PTPRG: variants seen among roughly 807,000 people sequenced by gnomAD.
The protein encoded by PTPRG is protein tyrosine phosphatase receptor type G.
In PTPRG, 102 loss-of-function variants were observed where a neutral mutation model predicts 165.3. The observed-to-expected ratio is 0.62, with a 90% CI of 0.53 to 0.73. PTPRG has a LOEUF of 0.73. Ranked by LOEUF, PTPRG falls within the 30% of genes least tolerant of loss-of-function variation. The probability of loss-of-function intolerance (pLI) is 0.00; values close to 1 mark genes in which losing one functional copy is unlikely to be tolerated. For missense variants in PTPRG, 1,866 were observed against 1,861.4 expected (o/e 1.00, Z -0.05); for synonymous variants, 675 against 669.5 (o/e 1.01, Z -0.13).
chr3:62,248,673 T>C (rs895766035), intron 15 of PTPRG, among the ~76,000 whole-genome samples: 1 of 152,204 alleles, frequency 6.6e-6, no homozygotes, highest in East Asian at 1.9e-4. Flanking sequence ...AGAACTTAGC[T>C]CATGAAATTA....
chr3:61,849,371 T>C (rs953259537), intron 2 of PTPRG, among the ~76,000 whole-genome samples: 1 of 152,216 alleles, frequency 6.6e-6, no homozygotes, highest in Non-Finnish European at 1.5e-5. Flanking sequence ...TGAATAATTT[T>C]ACAGGGTTTT....
intron 1 of PTPRG, among the ~76,000 whole-genome samples, chr3:61,738,638 A>G (rs1402307780): frequency 6.9e-6 from 1 of 145,712 alleles, no homozygotes; most frequent in Non-Finnish European, 1.5e-5. Context: ...CTTATTTCTC[A>G]TGGATAAAAA....
intron 2 of PTPRG, among the ~76,000 whole-genome samples, chr3:61,765,162 G>A (rs541911227): frequency 2.0e-5 from 3 of 152,300 alleles, no homozygotes; most frequent in South Asian, 2.1e-4. Flanking sequence ...CAGTGGCTAA[G>A]GTATTAGAGA....
chr3:62,054,420 C>T (rs17065808), intron 4 of PTPRG, among the ~76,000 whole-genome samples: 2,599 of 152,230 alleles, frequency 0.017, 76 homozygotes, highest in African/African-American at 0.06. Flanking sequence ...GTCTATAGAT[C>T]CATTTGTAAG....
intron 5 of PTPRG, among the ~76,000 whole-genome samples, chr3:62,086,078 A>G (rs1701743668): frequency 6.6e-6 from 1 of 152,118 alleles, no homozygotes; most frequent in Non-Finnish European, 1.5e-5. Context: ...TGAAGTTTCG[A>G]CTTGTAAATT....
At chr3:62,279,090 G>T (rs1042372537) in intron 26 of PTPRG, among the ~76,000 whole-genome samples, 1 of 152,026 alleles carries the variant, frequency 6.6e-6, no homozygotes, top group African/African-American at 2.4e-5. Flanking sequence ...TCAGTTCTGA[G>T]ATGGAGAGTT....
intron 2 of PTPRG, among the ~76,000 whole-genome samples, chr3:61,812,664 C>G (rs1025682714): frequency 1.3e-5 from 2 of 152,212 alleles, no homozygotes; most frequent in Admixed American, 6.5e-5. Flanking sequence ...TAAGGGACAA[C>G]AAGACCAGCA....
intron 1 of PTPRG, among the ~76,000 whole-genome samples, chr3:61,664,831 A>AAAAT (rs760526169): frequency 6.6e-6 from 1 of 152,062 alleles, no homozygotes; most frequent in African/African-American, 2.4e-5. Flanking sequence ...ATCCTGTTTC[A>AAAAT]AAATAAATAA....
chr3:61,847,622 C>T (rs950478123), intron 2 of PTPRG, among the ~76,000 whole-genome samples: 1 of 152,224 alleles, frequency 6.6e-6, no homozygotes, highest in African/African-American at 2.4e-5. Flanking sequence ...GACCTCCCTC[C>T]TTCGGGGATT....
chr3:62,029,980 A>G (rs1575911151), intron 4 of PTPRG, among the ~76,000 whole-genome samples: 1 of 152,178 alleles, frequency 6.6e-6, no homozygotes, highest in Non-Finnish European at 1.5e-5. Context: ...CATTGCTTTC[A>G]TGATTATCTT....
chr3:62,284,892 C>T (rs1291790990), intron 28 of PTPRG, among the ~76,000 whole-genome samples: 1 of 152,128 alleles, frequency 6.6e-6, no homozygotes, highest in African/African-American at 2.4e-5. Flanking sequence ...TCATCCCAAT[C>T]TGCCACTGAA....
intron 3 of PTPRG, among the ~76,000 whole-genome samples, chr3:61,990,191 C>T (rs1278095064): frequency 6.6e-6 from 1 of 151,490 alleles, no homozygotes; most frequent in Non-Finnish European, 1.5e-5. Context: ...AAATTTGGTC[C>T]CTCAGTTGTA....
intron 4 of PTPRG, among the ~76,000 whole-genome samples, chr3:62,027,306 C>T (rs1379687581): frequency 1.3e-5 from 2 of 152,098 alleles, no homozygotes; most frequent in Non-Finnish European, 2.9e-5. Flanking sequence ...CACCCAATGC[C>T]GTGTCTCCAG....
chr3:61,857,416 TTTGA>T (rs2037142853), intron 2 of PTPRG, among the ~76,000 whole-genome samples: 1 of 152,148 alleles, frequency 6.6e-6, no homozygotes, highest in African/African-American at 2.4e-5. Context: ...AATCTGAGAC[TTTGA>T]TTGATTAATG....
intron 1 of PTPRG, among the ~76,000 whole-genome samples, chr3:61,596,173 A>G (rs930552136): frequency 6.6e-6 from 1 of 152,204 alleles, no homozygotes; most frequent in Non-Finnish European, 1.5e-5. Flanking sequence ...TATCTTTGAA[A>G]TGCTTAGGTT....
chr3:61,897,852 T>C (rs1335925953), intron 2 of PTPRG, among the ~76,000 whole-genome samples: 2 of 152,228 alleles, frequency 1.3e-5, no homozygotes, highest in Non-Finnish European at 2.9e-5. Flanking sequence ...GTTCCATTTA[T>C]TCCTTTTTTA....
At chr3:62,117,562 A>C (rs750722143) in intron 5 of PTPRG, among the ~76,000 whole-genome samples, 1 of 152,140 alleles carries the variant, frequency 6.6e-6, no homozygotes, top group Non-Finnish European at 1.5e-5. Flanking sequence ...TATCATTAGA[A>C]GCCTCCCCGG....
intron 5 of PTPRG, among the ~76,000 whole-genome samples, chr3:62,094,160 A>G (rs1702033927): frequency 6.6e-6 from 1 of 152,064 alleles, no homozygotes; most frequent in Non-Finnish European, 1.5e-5. Context: ...AAACGGTAGG[A>G]TTTGAAGCCA....
intron 1 of PTPRG, among the ~76,000 whole-genome samples, chr3:61,733,048 C>A (rs1008212697): frequency 6.6e-6 from 1 of 152,102 alleles, no homozygotes; most frequent in African/African-American, 2.4e-5. Context: ...AGTGTGAAAT[C>A]TCTTAAAAGG....
Sources: allele counts gnomAD v4.1 joint callset (sites outside exome capture counted in the v4.1 genomes callset), GRCh38; gene constraint gnomAD v4.1.1; transcripts MANE v1.5; gene names NCBI Gene and HGNC (gene_info 2026-07-23, HGNC 2026-07-21).